Variants in COL6A5 observed in about 807,000 individuals in gnomAD.
COL6A5 encodes the protein collagen alpha-5(VI) chain.
In COL6A5, 48 loss-of-function variants were observed where a neutral mutation model predicts 65.6. That is an observed-to-expected ratio of 0.73 (90% CI 0.58 to 0.93). COL6A5 has a LOEUF of 0.93. COL6A5 is among the 40% of genes least tolerant of loss of function. The probability of loss-of-function intolerance (pLI) is 0.00; values close to 1 mark genes in which losing one functional copy is unlikely to be tolerated. For synonymous variants in COL6A5, 291 were observed against 322.8 expected (o/e 0.90, Z 1.05); for missense variants, 914 against 928.3 (o/e 0.98, Z 0.20).
intron 8 of COL6A5, 33 bp downstream of exon 8, chr3:130,395,498 A>G (rs1372903267): frequency 6.8e-7 from 1 of 1,470,484 alleles, no homozygotes; most frequent in Admixed American, 2.4e-5. Context: ...TCTTCCATGG[A>G]AACTTCTCAT....
At chr3:130,348,270 C>T (rs1214738353) in intron 1 of COL6A5, among the ~76,000 whole-genome samples, 1 of 152,180 alleles carries the variant, frequency 6.6e-6, no homozygotes, top group Non-Finnish European at 1.5e-5. Flanking sequence ...CTCTCCCTTC[C>T]CTTTCCCCCA....
At chr3:130,428,850 G>T (rs543625748), upstream of COL6A5, among the ~76,000 whole-genome samples, 1 of 152,286 alleles carries the variant, frequency 6.6e-6, no homozygotes, top group East Asian at 1.9e-4. Context: ...ACAGAAGGCT[G>T]GTGCGTTGCC....
chr3:130,458,068 T>C (rs1709617135), intron 5 of COL6A5, among the ~76,000 whole-genome samples: 1 of 152,052 alleles, frequency 6.6e-6, no homozygotes, highest in Admixed American at 6.6e-5. Flanking sequence ...TGGCAATGAC[T>C]TGTGTATCAC....
intron 1 of COL6A5, among the ~76,000 whole-genome samples, chr3:130,364,102 A>G (rs1297799657): frequency 6.6e-6 from 1 of 152,214 alleles, no homozygotes; most frequent in Non-Finnish European, 1.5e-5. Context: ...AGGTGCTATT[A>G]ATCGTTGCAC....
At chr3:130,471,750 C>T in intron 7 of COL6A5, 1 of 1,534,328 alleles carries the variant, frequency 6.5e-7, no homozygotes, top group African/African-American at 1.4e-5. Context: ...GATTCCCAGG[C>T]ACAACATCTC....
chr3:130,455,020 G>T (rs1343409173), intron 4 of COL6A5, among the ~76,000 whole-genome samples: 47 of 151,902 alleles, frequency 3.1e-4, no homozygotes, highest in Non-Finnish European at 1.5e-5. Flanking sequence ...TGCATCTTTG[G>T]TCCCAGCTAC....
intron 10 of COL6A5, among the ~76,000 whole-genome samples, chr3:130,400,502 A>C (rs1936779123): frequency 6.6e-6 from 1 of 152,262 alleles, no homozygotes; most frequent in African/African-American, 2.4e-5. Flanking sequence ...TGAATAGATG[A>C]ATTAATGAAT....
chr3:130,464,846 T>G (rs889340135), intron 5 of COL6A5, among the ~76,000 whole-genome samples: 1 of 152,028 alleles, frequency 6.6e-6, no homozygotes, highest in Non-Finnish European at 1.5e-5. Flanking sequence ...TTACTATAAA[T>G]GTATGTATTG....
intron 17 of COL6A5, among the ~76,000 whole-genome samples, chr3:130,406,864 C>A (rs1021546504): frequency 6.6e-6 from 1 of 152,136 alleles, no homozygotes; most frequent in African/African-American, 2.4e-5. Flanking sequence ...TGTCATTTGA[C>A]AGGTTTGTCA....
rs151130974 is a variant in COL6A5 at position 130,444,273 on chromosome 3, G to C, written c.1332+707G>C. The stretch of plus-strand genomic sequence containing the variant: ...TGTGCAGTTAACACAATCATCACAG[G>C]GTCCTGAGGTGACATACATCCTCCT... On this transcript the variant is annotated intron_variant, in intron 4 of 7. Coordinates refer to ENST00000512836, the Ensembl canonical transcript of COL6A5. 3.6e-3 allele frequency among the ~76,000 whole-genome samples: 548 copies of C among 152,008 alleles called. 3 individuals are homozygous for C. The highest frequency in any genetic ancestry group is 0.013 in the African/African-American group (519 of 41,426).
At chr3:130,481,253 A>G (rs574458243) in intron 7 of COL6A5, among the ~76,000 whole-genome samples, 48 of 133,920 alleles carry the variant, frequency 3.6e-4, no homozygotes, top group Non-Finnish European at 6.7e-4. Flanking sequence ...GTGTCCATGT[A>G]TTCTCATTGT....
upstream of COL6A5, chr3:130,431,179 C>G: frequency 1.5e-6 from 1 of 673,118 alleles, no homozygotes; most frequent in South Asian, 1.5e-5. Flanking sequence ...GTTCCATCAG[C>G]TCAAGAACTC....
At chr3:130,448,407 G>A (rs1181599267) in intron 4 of COL6A5, among the ~76,000 whole-genome samples, 5 of 152,100 alleles carry the variant, frequency 3.3e-5, no homozygotes, top group Non-Finnish European at 7.4e-5. Context: ...CACATAGGTC[G>A]GAATGCCTAA....
intron 1 of COL6A5, among the ~76,000 whole-genome samples, chr3:130,367,857 G>T (rs1249571528): frequency 6.6e-6 from 1 of 152,210 alleles, no homozygotes; most frequent in African/African-American, 2.4e-5. Flanking sequence ...CTTATTTTAG[G>T]TAAGGACTAG....
intron 7 of COL6A5, chr3:130,471,792 C>T: frequency 6.5e-7 from 1 of 1,535,062 alleles, no homozygotes; most frequent in African/African-American, 1.4e-5. Flanking sequence ...AGTAGTGGTT[C>T]TGAGACAGCT....
chr3:130,361,658 C>G (rs1935110597), intron 1 of COL6A5, among the ~76,000 whole-genome samples: 1 of 151,982 alleles, frequency 6.6e-6, no homozygotes, highest in African/African-American at 2.4e-5. Context: ...GAATTGTCTT[C>G]CAAAGTGGCT....
At chr3:130,413,717 C>T in intron 21 of COL6A5, 137 bp downstream of exon 21, 1 of 887,642 alleles carries the variant, frequency 1.1e-6, no homozygotes. Flanking sequence ...GTGATCCCCA[C>T]TGACCCAATA....
intron 6 of COL6A5, among the ~76,000 whole-genome samples, chr3:130,470,628 T>C (rs1287755137): frequency 1.3e-5 from 2 of 152,040 alleles, no homozygotes; most frequent in East Asian, 3.9e-4. Context: ...TTTAGAGATG[T>C]CCTTAAAGTA....
chr3:130,389,158 G>C (rs1218704888), intron 6 of COL6A5, 24 bp downstream of exon 6: 2 of 1,367,766 alleles, frequency 1.5e-6, no homozygotes, highest in South Asian at 4.3e-5. Context: ...TTATCTGTCA[G>C]GACTAAAGGA....
Sources: gnomAD v4.1 joint callset for allele counts (sites outside exome capture counted in the v4.1 genomes callset) on GRCh38, gnomAD v4.1.1 for gene constraint, MANE v1.5 for transcripts, NCBI Gene and HGNC (gene_info 2026-07-23, HGNC 2026-07-21) for gene names.